The following ABCC11 variants were observed in gnomAD, a reference collection of about 807,000 sequenced individuals.
ABCC11 encodes the protein ATP-binding cassette sub-family C member 11.
Under a neutral mutation model 149.3 loss-of-function variants are expected in ABCC11, and 135 were observed. The ratio of observed to expected loss-of-function variants is 0.90; its 90% CI spans 0.79 to 1.04. The LOEUF is 1.04. Among genes scored for constraint, ABCC11 ranks in the 50% least tolerant of loss-of-function variants. ABCC11 has a pLI of 0.00. For synonymous variants in ABCC11, 665 were observed against 671.4 expected, an observed-to-expected ratio of 0.99 and a Z score of 0.15; for missense variants, 1,680 against 1,722.1, an observed-to-expected ratio of 0.98 and a Z score of 0.43.
intron 9 of ABCC11, among the ~76,000 whole-genome samples, chr16:48,213,852 T>C (rs952656963): frequency 2.0e-5 from 3 of 152,196 alleles, no homozygotes; most frequent in African/African-American, 7.2e-5. Flanking sequence ...TCATAAAGTG[T>C]ATACAGGAAT....
intron 8 of ABCC11, 22 bp from the exon 9 acceptor site, chr16:48,215,051 C>T (rs753120166): frequency 1.2e-6 from 2 of 1,611,634 alleles, no homozygotes; most frequent in African/African-American, 1.3e-5. Flanking sequence ...AAAAGAAATA[C>T]ACCAAAGATA....
rs186484125 is a variant in ABCC11, at chr16:48,200,616, T to A, written c.1879-137A>T. The A allele has an allele frequency of 1.4e-4, 127 of 902,464 alleles. No homozygotes were observed. In the African/African-American group the frequency reaches 1.9e-3, roughly 14 times the overall value. The allele number at this position is 902,464 out of a possible 1,614,324, so 55.9% of individuals were successfully genotyped here. A position where few individuals can be genotyped will look rare whatever the true frequency, so the allele number is the denominator to read the frequency against. ...GCACACACTCCAGGATACCTGATAA[T>A]TTGGCATTCTGGACTTAAAAATACA... On this transcript the variant is annotated intron_variant, in intron 14 of 29. Transcript: ENST00000356608.
chr16:48,192,625 C>G lies in ABCC11; in HGVS notation c.2601G>C (p.Gly867=), dbSNP rs2150786649. The change falls in exon 20 of 30, where the codon GGG becomes GGC. Residue 867 remains glycine, a synonymous_variant. Transcript: ENST00000356608. Reference sequence around the variant, plus strand: ...CACAGATGAGGAGCAGGGCGTTGAGCCCGTACACCAGCTGGTAGAAGGACA... The same window carrying G: ...CACAGATGAGGAGCAGGGCGTTGAGGCCGTACACCAGCTGGTAGAAGGACA... ...PQLSFYQLVY[G]LNALLLICVG... is the part of the protein sequence containing the mutation. The G allele has an allele frequency of 1.2e-6, 2 of 1,614,176 alleles. No homozygotes were observed. The highest frequency in any genetic ancestry group is 1.7e-6 in the Non-Finnish European group (2 of 1,180,036).
In ABCC11 at chr16:48,167,481, G is replaced by A. The variant is rs1965407027; in HGVS notation, c.4056+15C>T. 3 of 1,613,786 alleles carry A rather than the reference G, an allele frequency of 1.9e-6. No individual in the cohort carries two copies. The highest frequency in any genetic ancestry group is 1.7e-5 in the Admixed American group (1 of 60,014). On this transcript the variant is annotated intron_variant, in intron 29 of 29. Coordinates refer to ENST00000356608, the MANE Select transcript of ABCC11 (RefSeq NM_001370497.1). ...AGCCCTCATCCTCCCACCAGCCCAA[G>A]GACGCAGCCTTCACCTTCCCATTGC...
Position 48,214,868 on chromosome 16 carries a change from C to T in ABCC11, c.1248+13G>A, listed in dbSNP as rs1452204955. On this transcript the variant is annotated intron_variant, in intron 9 of 29. Coordinates refer to ENST00000356608, the MANE Select transcript of ABCC11 (RefSeq NM_001370497.1). ...TCATGATGGGGAGAAAACAAAGCCC[C>T]CCAAACCCTTACCATTGACGCTGTG... 1.9e-6 allele frequency: 3 copies of T among 1,613,980 alleles called. No homozygotes were observed. Among genetic ancestry groups the T allele is most frequent in the Non-Finnish European group, 2.5e-6 (3 of 1,179,948 alleles).
intron 23 of ABCC11, among the ~76,000 whole-genome samples, chr16:48,183,392 G>A (rs1162183249): frequency 3.3e-5 from 5 of 152,228 alleles, no homozygotes; most frequent in East Asian, 3.9e-4. Context: ...AGCCCCCAGT[G>A]TGCTGGGCAC....
At chr16:48,208,927 A>T (rs1968675263) in intron 11 of ABCC11, among the ~76,000 whole-genome samples, 1 of 152,206 alleles carries the variant, frequency 6.6e-6, no homozygotes, top group Non-Finnish European at 1.5e-5. Flanking sequence ...TCAAATAGTG[A>T]TCTGAGTTTC....
At chr16:48,200,206 C>G in intron 15 of ABCC11, 70 bp downstream of exon 15, 1 of 1,502,150 alleles carries the variant, frequency 6.7e-7, no homozygotes, top group Non-Finnish European at 9.1e-7. Context: ...GAATCACACT[C>G]TGAAATGGCA....
At chr16:48,224,790 A>G (rs980214390) in intron 4 of ABCC11, among the ~76,000 whole-genome samples, 1 of 152,220 alleles carries the variant, frequency 6.6e-6, no homozygotes, top group Non-Finnish European at 1.5e-5. Context: ...TGGGAGGCTA[A>G]GGCGGGTGGA....
chr16:48,215,166 G>C, intron 8 of ABCC11, 31 bp downstream of exon 8: 1 of 1,600,302 alleles, frequency 6.2e-7, no homozygotes, highest in South Asian at 1.1e-5. Flanking sequence ...GCCATCACCA[G>C]GTTTGGAGCA....
Position 48,186,961 on chromosome 16 carries a change from GA to G in ABCC11, c.3062del (p.Phe1021SerfsTer8). On this transcript the variant is annotated frameshift_variant, in exon 22 of 30. Coordinates refer to ENST00000356608, the MANE Select transcript of ABCC11 (RefSeq NM_001370497.1). LOFTEE classifies it high-confidence loss of function. ...GCAGCAGAAGGACTCACTGGCTGAT[GA>G]AGTCTTCAGTTTTTCCATAGACATG... ...SIHVYGKTED[F>X]ISQFKRLTDA... 6.2e-7 allele frequency: 1 copy of G among 1,614,162 alleles called. No individual in the cohort carries two copies. Among genetic ancestry groups the G allele is most frequent in the South Asian group, 1.1e-5 (1 of 91,074 alleles).
intron 7 of ABCC11, among the ~76,000 whole-genome samples, chr16:48,215,816 G>A (rs1199394670): frequency 1.3e-5 from 2 of 152,230 alleles, no homozygotes; most frequent in Non-Finnish European, 2.9e-5. Context: ...ATTCTGGGGA[G>A]AAGAGACGGA....
At chr16:48,210,384 A>G (rs568575514) in intron 11 of ABCC11, 1 of 152,626 alleles carries the variant, frequency 6.6e-6, no homozygotes, top group Admixed American at 6.5e-5. Flanking sequence ...ACCTATTACT[A>G]CTAGATATTA....
intron 2 of ABCC11, among the ~76,000 whole-genome samples, chr16:48,231,312 G>T (rs780433662): frequency 3.3e-5 from 5 of 152,036 alleles, no homozygotes; most frequent in African/African-American, 4.8e-5. Context: ...AACCATGAAG[G>T]TATGCCATGA....
At chr16:48,230,194 C>T (rs149178222) in intron 3 of ABCC11, among the ~76,000 whole-genome samples, 637 of 152,362 alleles carry the variant, frequency 4.2e-3, no homozygotes, top group Non-Finnish European at 7.3e-3. Context: ...GCTCACTGTT[C>T]TTCCCCTGTG....
intron 12 of ABCC11, among the ~76,000 whole-genome samples, chr16:48,207,494 C>T (rs1159429398): frequency 1.3e-5 from 2 of 151,942 alleles, no homozygotes; most frequent in Non-Finnish European, 1.5e-5. Flanking sequence ...GGTGAAACCA[C>T]GTCTCTACCA....
intron 12 of ABCC11, among the ~76,000 whole-genome samples, chr16:48,207,858 C>T (rs1011039018): frequency 6.6e-6 from 1 of 151,836 alleles, no homozygotes; most frequent in African/African-American, 2.4e-5. Context: ...GGCATAGGTA[C>T]CCCACTGCCA....
chr16:48,173,874 C>G (rs1033826016), intron 26 of ABCC11, among the ~76,000 whole-genome samples: 2 of 152,220 alleles, frequency 1.3e-5, no homozygotes, highest in Non-Finnish European at 2.9e-5. Context: ...ATCTCCCTGC[C>G]TTGGCCTCCC....
chr16:48,204,916 G>C (rs192388483), intron 13 of ABCC11, among the ~76,000 whole-genome samples: 5 of 152,268 alleles, frequency 3.3e-5, no homozygotes, highest in East Asian at 1.9e-4. Flanking sequence ...GACAAGACTT[G>C]GGAGATCCAC....
Sources: gnomAD v4.1 joint callset for allele counts (sites outside exome capture counted in the v4.1 genomes callset) on GRCh38, gnomAD v4.1.1 for gene constraint, MANE v1.5 for transcripts, NCBI Gene and HGNC (gene_info 2026-07-23, HGNC 2026-07-21) for gene names.